Variants in MAD1L1 observed in about 807,000 individuals in gnomAD.
MAD1L1 encodes the protein mitotic arrest deficient 1 like 1.
In MAD1L1, 95 loss-of-function variants were observed where a neutral mutation model predicts 96.9. That is an observed-to-expected ratio of 0.98 (90% confidence interval 0.83 to 1.16). The LOEUF (loss-of-function observed/expected upper bound fraction) is 1.16. MAD1L1 is among the 50% of genes most tolerant of loss of function. MAD1L1 has a pLI of 0.00. For synonymous variants in MAD1L1, 473 were observed against 396.6 expected (o/e 1.19, Z -2.29); for missense variants, 1,007 against 954.4 (o/e 1.06, Z -0.73).
At chr7:2,221,102 C>G (rs1793582226) in intron 5 of MAD1L1, 9 of 1,388,488 alleles carry the variant, frequency 6.5e-6, no homozygotes, top group Non-Finnish European at 8.9e-6. Context: ...TTAGACATGA[C>G]AGGCCAAAGC....
chr7:1,913,220 G>A (rs1290379400), intron 17 of MAD1L1, among the ~76,000 whole-genome samples: 1 of 152,116 alleles, frequency 6.6e-6, no homozygotes, highest in African/African-American at 2.4e-5. Flanking sequence ...TCGGGAAGAG[G>A]ACACGGAACT....
intron 18 of MAD1L1, among the ~76,000 whole-genome samples, chr7:1,888,368 G>C (rs1214353681): frequency 6.6e-6 from 1 of 151,896 alleles, no homozygotes; most frequent in Non-Finnish European, 1.5e-5. Context: ...ATGCATGCGT[G>C]TATGTGGCTG....
At chr7:2,078,823 C>A (rs1053681518) in intron 11 of MAD1L1, among the ~76,000 whole-genome samples, 10 of 152,144 alleles carry the variant, frequency 6.6e-5, no homozygotes, top group African/African-American at 1.4e-4. Context: ...GGGAGGACAG[C>A]GGCAGCACCG....
At chr7:1,894,479 C>T (rs1249633022) in intron 18 of MAD1L1, among the ~76,000 whole-genome samples, 1 of 152,202 alleles carries the variant, frequency 6.6e-6, no homozygotes, top group Non-Finnish European at 1.5e-5. Flanking sequence ...CATGACCCCT[C>T]CCCAGCTCCA....
At chr7:2,178,557 A>G (rs1410981510) in intron 10 of MAD1L1, among the ~76,000 whole-genome samples, 1 of 152,236 alleles carries the variant, frequency 6.6e-6, no homozygotes. Flanking sequence ...GTACAGGTAG[A>G]AAACATAAAA....
At chr7:2,130,849 G>A (rs1788477968) in intron 11 of MAD1L1, among the ~76,000 whole-genome samples, 2 of 152,212 alleles carry the variant, frequency 1.3e-5, no homozygotes, top group Admixed American at 6.5e-5. Flanking sequence ...CAGTGCGAAT[G>A]CCAAATCAAC....
At chr7:2,102,317 C>T (rs1337379822) in intron 11 of MAD1L1, among the ~76,000 whole-genome samples, 3 of 143,488 alleles carry the variant, frequency 2.1e-5, no homozygotes, top group Admixed American at 7.2e-5. Context: ...CCGTCACCAT[C>T]ACCGCCGTCA....
At chr7:1,912,780 C>G (rs1288379808) in intron 17 of MAD1L1, among the ~76,000 whole-genome samples, 6 of 152,330 alleles carry the variant, frequency 3.9e-5, no homozygotes, top group South Asian at 2.1e-4. Context: ...ACAGCCGAGT[C>G]AAGACGTGAC....
At chr7:1,912,398 G>A (rs1238113698) in intron 17 of MAD1L1, among the ~76,000 whole-genome samples, 2 of 152,222 alleles carry the variant, frequency 1.3e-5, no homozygotes, top group Non-Finnish European at 2.9e-5. Context: ...GTTTGGGTGA[G>A]GTGAGGCAGG....
At chr7:2,093,084 T>A (rs59346776) in intron 11 of MAD1L1, among the ~76,000 whole-genome samples, 8,072 of 145,392 alleles carry the variant, frequency 0.056, 384 homozygotes, top group African/African-American at 0.13. Flanking sequence ...AAAAAAAAAA[T>A]ATATACAAAA....
intron 12 of MAD1L1, among the ~76,000 whole-genome samples, chr7:2,029,718 G>C (rs999177318): frequency 1.5e-4 from 23 of 152,120 alleles, no homozygotes; most frequent in African/African-American, 5.6e-4. Context: ...TAACTTTCTG[G>C]CAGTGGGAGA....
chr7:1,936,624 G>A (rs1462768058), intron 17 of MAD1L1, 63 bp downstream of exon 17: 17 of 1,481,654 alleles, frequency 1.1e-5, no homozygotes, highest in South Asian at 8.7e-5. Flanking sequence ...CCCCAAAGGC[G>A]CACGGATGGA....
chr7:1,838,890 G>A (rs1332429378), intron 18 of MAD1L1: 1 of 470,674 alleles, frequency 2.1e-6, no homozygotes, highest in Non-Finnish European at 4.4e-6. Flanking sequence ...TAAGGTTCCA[G>A]GCACACCCTG....
At chr7:1,847,854 G>A (rs1783729644) in intron 18 of MAD1L1, 1 of 383,740 alleles carries the variant, frequency 2.6e-6, no homozygotes, top group Non-Finnish European at 5.3e-6. Context: ...AGGCTCCCAC[G>A]TGCTGAGGGG....
At chr7:1,939,667 G>C (rs1483823844) in intron 16 of MAD1L1, among the ~76,000 whole-genome samples, 4 of 152,338 alleles carry the variant, frequency 2.6e-5, no homozygotes, top group Non-Finnish European at 5.9e-5. Context: ...CTATCTCCCA[G>C]AGGGGAACAG....
At chr7:2,228,613 T>C (rs1468858920) in intron 3 of MAD1L1, among the ~76,000 whole-genome samples, 1 of 151,352 alleles carries the variant, frequency 6.6e-6, no homozygotes, top group Non-Finnish European at 1.5e-5. Context: ...ATTACCTTCA[T>C]AATTTCACAA....
At chr7:2,025,612 CAG>C (rs776658081) in intron 12 of MAD1L1, among the ~76,000 whole-genome samples, 21 of 152,202 alleles carry the variant, frequency 1.4e-4, no homozygotes, top group Admixed American at 5.9e-4. Flanking sequence ...GGTTGCAACA[CAG>C]GGGAATAAAA....
chr7:2,050,101 G>A (rs1252290243), intron 12 of MAD1L1, among the ~76,000 whole-genome samples: 2 of 119,662 alleles, frequency 1.7e-5, no homozygotes, highest in African/African-American at 3.1e-5. Flanking sequence ...CAGCGTCTGC[G>A]GGCACCAGAC....
At chr7:2,129,147 C>T (rs542071145) in intron 11 of MAD1L1, among the ~76,000 whole-genome samples, 8 of 152,264 alleles carry the variant, frequency 5.3e-5, no homozygotes, top group South Asian at 2.1e-4. Flanking sequence ...ACCGGGCAGG[C>T]GCATTCCATG....
Sources: gnomAD v4.1 joint callset for allele counts (sites outside exome capture counted in the v4.1 genomes callset) on GRCh38, gnomAD v4.1.1 for gene constraint, MANE v1.5 for transcripts, NCBI Gene and HGNC (gene_info 2026-07-23, HGNC 2026-07-21) for gene names.